Variants in AKT3 observed in about 807,000 individuals in gnomAD.
The protein encoded by AKT3 is AKT serine/threonine kinase 3, also known as RAC-gamma serine/threonine-protein kinase.
AKT3 carries 15 observed loss-of-function variants against 65.3 expected under a neutral mutation model. The observed-to-expected ratio is 0.23, with a 90% CI of 0.15 to 0.35. The LOEUF is 0.35. Among genes scored for constraint, AKT3 ranks in the 10% least tolerant of loss-of-function variants. AKT3 has a pLI of 1.00. For synonymous variants in AKT3, 206 were observed against 183.8 expected (o/e 1.12, Z -0.98); for missense variants, 243 against 576.5 (o/e 0.42, Z 5.92).
At chr1:243,614,013 T>C (rs1448001403) in intron 7 of AKT3, among the ~76,000 whole-genome samples, 1 of 152,202 alleles carries the variant, frequency 6.6e-6, no homozygotes, top group Non-Finnish European at 1.5e-5. Context: ...TCAATCTAAT[T>C]TGCCATTGAT....
chr1:243,740,022 T>C (rs1688056733), intron 2 of AKT3, among the ~76,000 whole-genome samples: 1 of 152,180 alleles, frequency 6.6e-6, no homozygotes, highest in Non-Finnish European at 1.5e-5. Flanking sequence ...AAAATATGAA[T>C]CAATCCACAG....
chr1:243,848,622 T>C (rs1247572426), intron 1 of AKT3, among the ~76,000 whole-genome samples: 1 of 152,212 alleles, frequency 6.6e-6, no homozygotes, highest in Admixed American at 6.5e-5. Context: ...CCTAGTGATG[T>C]ATAGTTCTAC....
Position 243,638,754 on chromosome 1 carries a change from CTGTT to C in AKT3, c.430-1016_430-1013del, listed in dbSNP as rs567475168. Among the ~76,000 whole-genome samples the C allele has an allele frequency of 1.4e-3, 213 of 150,920 alleles. 1 individual carries two copies. The highest frequency in any genetic ancestry group is 5.0e-3 in the African/African-American group (206 of 41,220). On this transcript the variant is annotated intron_variant, in intron 5 of 13. Coordinates refer to ENST00000673466, the MANE Select transcript of AKT3 (RefSeq NM_005465.7). ...TAGTGCCTTTTATAACTTTTTTTTT[CTGTT>C]TATCATTTATCTAAAGTAAACGTGA...
rs902345428 is a variant in AKT3 at position 243,514,006 on chromosome 1, ATTTTGT to A, written c.1252-1586_1252-1581del. Reference sequence around the variant, plus strand: ...CCCAGAGGTGACAGAGGCTGGAACAATTTTGTTTTTTTTATTTTTTTTAGAAAACCA... The same window carrying A: ...CCCAGAGGTGACAGAGGCTGGAACAATTTTTTTATTTTTTTTAGAAAACCA... On this transcript the variant is annotated intron_variant, in intron 12 of 13. Transcript: ENST00000673466. Among the ~76,000 whole-genome samples the A allele has an allele frequency of 7.9e-5, 12 of 152,178 alleles. No homozygotes were observed. In the East Asian group the frequency reaches 2.3e-3, roughly 29 times the overall value.
intron 3 of AKT3, among the ~76,000 whole-genome samples, chr1:243,671,091 T>TG (rs1039266677): frequency 6.6e-6 from 1 of 151,464 alleles, no homozygotes; most frequent in African/African-American, 2.4e-5. Context: ...TTTTTTTTTT[T>TG]TTTTTGAGAC....
At chr1:243,657,385 C>G (rs910387732) in intron 4 of AKT3, among the ~76,000 whole-genome samples, 7 of 152,130 alleles carry the variant, frequency 4.6e-5, no homozygotes, top group Non-Finnish European at 2.9e-5. Flanking sequence ...TAAGGCAAAT[C>G]CCATTTACAA....
chr1:243,505,360 A>T (rs1183316583), intron 13 of AKT3, 26 bp from the exon 14 acceptor site: 2 of 1,596,506 alleles, frequency 1.3e-6, no homozygotes, highest in Admixed American at 1.7e-5. Context: ...ATCTATTTTA[A>T]TTTTACACAT....
At chr1:243,541,060 AAATGATAAATGTTC>A (rs1312693336) in intron 12 of AKT3, among the ~76,000 whole-genome samples, 2 of 152,192 alleles carry the variant, frequency 1.3e-5, no homozygotes, top group Non-Finnish European at 2.9e-5. Context: ...TTACCTTTGT[AAATGATAAATGTTC>A]ACAGGGAGAT....
At position 243,545,893 on chromosome 1, in the gene AKT3, C is replaced by A. The variant is rs534502728; in HGVS notation, c.1164-296G>T. Among the ~76,000 whole-genome samples, 4 of 152,292 alleles carry A rather than the reference C, an allele frequency of 2.6e-5. No homozygotes were observed. The South Asian group carries it at 8.3e-4, about 32-fold the overall frequency. ...TGACAACAGAAAAGAGGCTTAACCT[C>A]AGTTTTCTCATCTGCAGAGTGGGGA... is the stretch of plus-strand genomic sequence containing the variant. On this transcript the variant is annotated intron_variant, in intron 11 of 13. Transcript: ENST00000673466.
At chr1:243,721,730 T>G (rs1190739027) in intron 2 of AKT3, among the ~76,000 whole-genome samples, 1 of 152,080 alleles carries the variant, frequency 6.6e-6, no homozygotes, top group Non-Finnish European at 1.5e-5. Flanking sequence ...ACTATGCCAA[T>G]GTAATCCTAC....
At chr1:243,783,523 G>A (rs1248293025) in intron 2 of AKT3, among the ~76,000 whole-genome samples, 2 of 152,050 alleles carry the variant, frequency 1.3e-5, no homozygotes, top group Non-Finnish European at 2.9e-5. Flanking sequence ...GGAGTAAGAT[G>A]AGAGAAGAAT....
At chr1:243,588,388 A>T (rs532785834) in intron 8 of AKT3, among the ~76,000 whole-genome samples, 2 of 152,212 alleles carry the variant, frequency 1.3e-5, no homozygotes, top group African/African-American at 4.8e-5. Context: ...CATTCAGTAG[A>T]TATCTCAAGA....
chr1:243,599,835 A>G (rs180845750), intron 8 of AKT3, among the ~76,000 whole-genome samples: 22 of 152,226 alleles, frequency 1.4e-4, no homozygotes, highest in Admixed American at 6.5e-4. Context: ...GGATAGTTTA[A>G]TAAGGCAAGG....
intron 2 of AKT3, among the ~76,000 whole-genome samples, chr1:243,837,895 G>T (rs1694992829): frequency 6.6e-6 from 1 of 152,170 alleles, no homozygotes; most frequent in Admixed American, 6.5e-5. Flanking sequence ...AGTGAAATAT[G>T]ATCAGAAAAA....
intron 8 of AKT3, among the ~76,000 whole-genome samples, chr1:243,598,826 T>G (rs1190426091): frequency 6.6e-6 from 1 of 152,240 alleles, no homozygotes; most frequent in Non-Finnish European, 1.5e-5. Context: ...TTTGTTTTAT[T>G]ATTTTATAAT....
chr1:243,772,964 A>G (rs1428224710), intron 2 of AKT3, among the ~76,000 whole-genome samples: 1 of 144,870 alleles, frequency 6.9e-6, no homozygotes, highest in African/African-American at 2.6e-5. Flanking sequence ...GCATGTTCTC[A>G]CTCATAGGTG....
intron 8 of AKT3, among the ~76,000 whole-genome samples, chr1:243,595,952 G>C (rs1676581103): frequency 6.6e-6 from 1 of 152,166 alleles, no homozygotes. Flanking sequence ...CTAACTGCAT[G>C]TGCTATGTTT....
intron 2 of AKT3, among the ~76,000 whole-genome samples, chr1:243,708,558 T>C (rs1685952752): frequency 2.0e-5 from 3 of 151,992 alleles, no homozygotes; most frequent in Admixed American, 2.0e-4. Context: ...AATAATGCTG[T>C]TTTCAAATGT....
chr1:243,525,192 C>T (rs1015662776), intron 12 of AKT3, among the ~76,000 whole-genome samples: 1 of 152,100 alleles, frequency 6.6e-6, no homozygotes, highest in Admixed American at 6.6e-5. Context: ...CTAAATAAAC[C>T]AGCCTGGAAT....
Sources: gnomAD v4.1 joint callset for allele counts (sites outside exome capture counted in the v4.1 genomes callset) on GRCh38, gnomAD v4.1.1 for gene constraint, MANE v1.5 for transcripts, NCBI Gene and HGNC (gene_info 2026-07-23, HGNC 2026-07-21) for gene names.